The following ADH6 variants were observed in gnomAD, a reference collection of about 807,000 sequenced individuals.
ADH6 encodes alcohol dehydrogenase 6 (class V), also known as alcohol dehydrogenase 6.
A neutral mutation model predicts 36.5 loss-of-function variants in ADH6; 34 were observed. The ratio of observed to expected loss-of-function variants is 0.93; its 90% CI spans 0.71 to 1.24. The LOEUF (loss-of-function observed/expected upper bound fraction) is 1.24, where lower values mean the gene tolerates loss of function less well. Among genes scored for constraint, ADH6 ranks in the 50% most tolerant of loss-of-function variants. ADH6 has a pLI of 0.00. For synonymous variants in ADH6, 161 were observed against 155.5 expected, an observed-to-expected ratio of 1.04 and a Z score of -0.26; for missense variants, 440 against 447.0, an observed-to-expected ratio of 0.98 and a Z score of 0.14.
At chr4:99,205,620 C>T (rs1731003662) in intron 7 of ADH6, among the ~76,000 whole-genome samples, 1 of 151,982 alleles carries the variant, frequency 6.6e-6, no homozygotes, top group African/African-American at 2.4e-5. Flanking sequence ...ATTGAACAAG[C>T]AAAGATGGAG....
intron 8 of ADH6, 38 bp downstream of exon 8, chr4:99,204,887 T>C (rs752048537): frequency 2.5e-5 from 39 of 1,574,910 alleles, no homozygotes; most frequent in Non-Finnish European, 3.1e-5. Flanking sequence ...TCTCTTGGTC[T>C]CAAACACACA....
At chr4:99,207,686 T>C in intron 6 of ADH6, 105 bp from the exon 7 acceptor site, 1 of 1,182,438 alleles carries the variant, frequency 8.5e-7, no homozygotes, top group Non-Finnish European at 1.2e-6. Context: ...ATGACTTTCT[T>C]TTCTGATTCT....
Position 99,207,498 on chromosome 4 carries a change from G to A in ADH6, c.912C>T (p.Ile304=). Residue 304 remains isoleucine (I), a synonymous_variant, in exon 7 of 9, where the codon ATC becomes ATT. Transcript: ENST00000394899. ...GVLPASVQLK[I]SGQLFFSGRS... is the part of the protein sequence containing the mutation. ...GTCCTGAGAAGAACAACTGGCCACTGATTTTGAGTTGAACACTGGCAGGCA... is the reference window on the plus strand; with the variant it reads ...GTCCTGAGAAGAACAACTGGCCACTAATTTTGAGTTGAACACTGGCAGGCA... The A allele has an allele frequency of 6.2e-7, 1 of 1,613,624 alleles. No individual in the cohort carries two copies. Among genetic ancestry groups the A allele is most frequent in the Non-Finnish European group, 8.5e-7 (1 of 1,179,722 alleles).
rs147697570 is a variant in ADH6 at position 99,204,169 on chromosome 4, C to T, written c.*50G>A. ...TAAATCATGAAAATTACATCAAATGCCATTGAGTTGGTGAAATATCCTTTG... is the reference window on the plus strand; with the variant it reads ...TAAATCATGAAAATTACATCAAATGTCATTGAGTTGGTGAAATATCCTTTG... On this transcript the variant is annotated 3_prime_UTR_variant, in exon 9 of 9. Coordinates refer to ENST00000394899, the MANE Select transcript of ADH6 (RefSeq NM_001102470.2). 975 of 1,558,506 alleles carry T rather than the reference C, an allele frequency of 6.3e-4. 4 individuals carry two copies. The African/African-American group carries it at 0.012, about 19-fold the overall frequency.
intron 7 of ADH6, among the ~76,000 whole-genome samples, chr4:99,206,288 A>G (rs572918509): frequency 2.3e-4 from 35 of 152,194 alleles, no homozygotes; most frequent in Admixed American, 4.6e-4. Flanking sequence ...AAATCATTGA[A>G]CCAGAGGACT....
At chr4:99,215,868 G>A (rs1185235303) in intron 2 of ADH6, 1 of 177,730 alleles carries the variant, frequency 5.6e-6, no homozygotes, top group Non-Finnish European at 1.2e-5. Flanking sequence ...TACAAGTACA[G>A]ATTAAAATAG....
rs928509475 is a variant in ADH6, at chr4:99,202,871, A to C, written c.*1348T>G. 1.5e-5 allele frequency: 6 copies of C among 397,282 alleles called. No individual in the cohort carries two copies. Among genetic ancestry groups the C allele is most frequent in the Non-Finnish European group, 2.7e-5 (6 of 225,200 alleles). 24.6% of individuals were successfully genotyped at this position (397,282 alleles called of 1,614,324 possible). On this transcript the variant is annotated 3_prime_UTR_variant, in exon 9 of 9. Coordinates refer to ENST00000394899, the MANE Select transcript of ADH6 (RefSeq NM_001102470.2). ...GCTCAGACTTGGGAAGATGGAGAAG[A>C]GCCATCCCAAGTCCAGAGTGAATAG...
At chr4:99,208,992 G>T in intron 5 of ADH6, 64 bp from the exon 6 acceptor site, 1 of 1,522,066 alleles carries the variant, frequency 6.6e-7, no homozygotes, top group Non-Finnish European at 8.8e-7. Context: ...CCTTTACTCA[G>T]TTGGGAAGGC....
chr4:99,213,371 A>C (rs2110552931), intron 3 of ADH6, among the ~76,000 whole-genome samples: 1 of 152,268 alleles, frequency 6.6e-6, no homozygotes, highest in South Asian at 2.1e-4. Context: ...TTTCAAGTCC[A>C]GTTTCAGTGC....
At chr4:99,213,172 A>G (rs962968612) in intron 3 of ADH6, among the ~76,000 whole-genome samples, 1 of 152,140 alleles carries the variant, frequency 6.6e-6, no homozygotes, top group South Asian at 2.1e-4. Flanking sequence ...ATCTGTTTCT[A>G]TTCTTAAGTT....
At chr4:99,214,502 T>A (rs1731334782) in intron 2 of ADH6, among the ~76,000 whole-genome samples, 1 of 152,216 alleles carries the variant, frequency 6.6e-6, no homozygotes, top group South Asian at 2.1e-4. Flanking sequence ...CTTTATAGTT[T>A]TGTTATTTGT....
rs753811042 is a variant in ADH6, at chr4:99,207,464, T to C, written c.946A>G (p.Lys316Glu). ...TCCATACCTCCAAAAACAGAACCCTTCAAAGAACGTCCTGAGAAGAACAAC... is the reference window on the plus strand; with the variant it reads ...TCCATACCTCCAAAAACAGAACCCTCCAAAGAACGTCCTGAGAAGAACAAC... ...GQLFFSGRSLKGSVFGGWKSR... is the reference protein window; with the variant it reads ...GQLFFSGRSLEGSVFGGWKSR... The change falls in exon 7 of 9, where the codon AAG (lysine) becomes GAG (glutamate). Residue 316 changes from lysine (K) to glutamate (E), a missense_variant. Physicochemically the swap from Lys to Glu is moderately conservative, Grantham distance 56. Transcript: ENST00000394899. The C allele has an allele frequency of 1.3e-5, 21 of 1,613,308 alleles. No individual in the cohort carries two copies. The highest frequency in any genetic ancestry group is 1.8e-5 in the Non-Finnish European group (21 of 1,179,602).
rs1275956546 is a variant in ADH6 at position 99,203,582 on chromosome 4, A to T, written c.*637T>A. 1 of 152,130 alleles carries T rather than the reference A, an allele frequency of 6.6e-6. No individual in the cohort carries two copies. The allele number at this position is 152,130 out of a possible 1,614,324, so 9.4% of individuals were successfully genotyped here. A position where few individuals can be genotyped will look rare whatever the true frequency, so the allele number is the denominator to read the frequency against. On this transcript the variant is annotated 3_prime_UTR_variant, in exon 9 of 9. Coordinates refer to ENST00000394899, the MANE Select transcript of ADH6 (RefSeq NM_001102470.2). Reference sequence around the variant, plus strand: ...TGCTAAATGATCCACCTCCTGTATGATGACTCCCCTCATCCCTTTTTTTTC... The same window carrying T: ...TGCTAAATGATCCACCTCCTGTATGTTGACTCCCCTCATCCCTTTTTTTTC...
Position 99,204,955 on chromosome 4 carries a change from T to C in ADH6, c.1073A>G (p.Glu358Gly), listed in dbSNP as rs1373719432. 1.2e-6 allele frequency: 2 copies of C among 1,609,458 alleles called. No homozygotes were observed. The highest frequency in any genetic ancestry group is 1.7e-6 in the Non-Finnish European group (2 of 1,178,314). ...THTLNLDKINEAVELMKTGKC... is the reference protein window; with the variant it reads ...THTLNLDKINGAVELMKTGKC... ...TCCAGTTTTCATTAATTCAACTGCT[T>C]CATTGATTTTATCAAGATTCAGAGT... The change falls in exon 8 of 9, where the codon GAA (glutamate) becomes GGA (glycine). Residue 358 changes from glutamate to glycine, a missense_variant. Physicochemically the swap from Glu to Gly is moderately conservative, Grantham distance 98. Coordinates refer to ENST00000394899, the MANE Select transcript of ADH6 (RefSeq NM_001102470.2).
At chr4:99,207,063 A>T (rs1164115306) in intron 7 of ADH6, among the ~76,000 whole-genome samples, 1 of 152,112 alleles carries the variant, frequency 6.6e-6, no homozygotes, top group Non-Finnish European at 1.5e-5. Flanking sequence ...AAGATTTTAC[A>T]TGAGTTGAAC....
At position 99,219,240 on chromosome 4, in the gene ADH6, G is replaced by T; in HGVS notation, c.-88C>A. On this transcript the variant is annotated 5_prime_UTR_variant, in exon 1 of 9. Coordinates refer to ENST00000394899, the MANE Select transcript of ADH6 (RefSeq NM_001102470.2). ...GTAGAAAGTACAAAGGTACACAGGC[G>T]ACTGGTAGATCAGAAGGCTGGGTCC... 4 of 1,231,764 alleles carry T rather than the reference G, an allele frequency of 3.2e-6. No individual in the cohort carries two copies. The highest frequency in any genetic ancestry group is 1.9e-4 in the Middle Eastern group (1 of 5,318). The allele number at this position is 1,231,764 out of a possible 1,614,324, so 76.3% of individuals were successfully genotyped here. A position where few individuals can be genotyped will look rare whatever the true frequency, so the allele number is the denominator to read the frequency against.
At chr4:99,210,823 C>T (rs1324113309) in intron 3 of ADH6, among the ~76,000 whole-genome samples, 1 of 152,132 alleles carries the variant, frequency 6.6e-6, no homozygotes, top group Non-Finnish European at 1.5e-5. Flanking sequence ...CTCTTCTCAA[C>T]ATTTTCAACA....
intron 2 of ADH6, among the ~76,000 whole-genome samples, chr4:99,215,345 A>G (rs963076167): frequency 2.6e-5 from 4 of 152,256 alleles, no homozygotes; most frequent in African/African-American, 9.6e-5. Context: ...TTAAAATAAT[A>G]ACAAAGGACT....
chr4:99,215,028 A>T (rs28720139), intron 2 of ADH6, among the ~76,000 whole-genome samples: 2 of 152,124 alleles, frequency 1.3e-5, no homozygotes, highest in African/African-American at 4.8e-5. Flanking sequence ...ATTGCCTACC[A>T]TCACTTACTC....
Sources: gnomAD v4.1 joint callset for allele counts (sites outside exome capture counted in the v4.1 genomes callset) on GRCh38, gnomAD v4.1.1 for gene constraint, MANE v1.5 for transcripts, NCBI Gene and HGNC (gene_info 2026-07-23, HGNC 2026-07-21) for gene names.